Variants in SBF2 observed in about 807,000 individuals in gnomAD.
The protein encoded by SBF2 is SET binding factor 2, also known as myotubularin-related protein 13.
SBF2 carries 112 observed loss-of-function variants against 225.2 expected under a neutral mutation model. The ratio of observed to expected loss-of-function variants is 0.50; its 90% CI spans 0.43 to 0.58. The LOEUF is 0.58. SBF2 is among the 20% of genes least tolerant of loss of function. The pLI is 0.00. For synonymous variants in SBF2, 763 were observed against 773.3 expected, an observed-to-expected ratio of 0.99 and a Z score of 0.22; for missense variants, 1,996 against 2,206.2, an observed-to-expected ratio of 0.90 and a Z score of 1.91.
intron 2 of SBF2, among the ~76,000 whole-genome samples, chr11:10,131,391 A>G (rs1954045191): frequency 6.6e-6 from 1 of 151,902 alleles, no homozygotes; most frequent in Non-Finnish European, 1.5e-5. Context: ...CACATTTTCT[A>G]AATGAACTGT....
At chr11:9,881,540 C>G (rs989401422) in intron 17 of SBF2, among the ~76,000 whole-genome samples, 2 of 152,028 alleles carry the variant, frequency 1.3e-5, no homozygotes, top group African/African-American at 2.4e-5. Context: ...ACTTTTCCCC[C>G]GCCTTAATCC....
chr11:10,003,807 A>G (rs1029102349), intron 6 of SBF2, among the ~76,000 whole-genome samples: 3 of 152,038 alleles, frequency 2.0e-5, no homozygotes, highest in Non-Finnish European at 1.5e-5. Context: ...CGATATACAT[A>G]CTTATGAAAT....
At chr11:9,847,594 T>C (rs185328078) in intron 22 of SBF2, among the ~76,000 whole-genome samples, 137 of 151,580 alleles carry the variant, frequency 9.0e-4, no homozygotes, top group Non-Finnish European at 1.6e-3. Flanking sequence ...CAAAAGAGAA[T>C]AGGTTTTTAA....
intron 2 of SBF2, among the ~76,000 whole-genome samples, chr11:10,081,674 C>T (rs749589206): frequency 2.7e-5 from 4 of 150,940 alleles, no homozygotes; most frequent in Admixed American, 1.3e-4. Context: ...GCAGGAGGAT[C>T]GCTTGAACCT....
intron 2 of SBF2, among the ~76,000 whole-genome samples, chr11:10,147,787 C>T (rs367751993): frequency 1.3e-5 from 2 of 152,124 alleles, no homozygotes; most frequent in South Asian, 2.1e-4. Context: ...TGATAAATAA[C>T]AGTGAATAAG....
At chr11:9,903,425 A>G (rs1346781859) in intron 16 of SBF2, among the ~76,000 whole-genome samples, 1 of 152,244 alleles carries the variant, frequency 6.6e-6, no homozygotes, top group Non-Finnish European at 1.5e-5. Flanking sequence ...TCACAGCACC[A>G]AATATGTTAC....
intron 28 of SBF2, among the ~76,000 whole-genome samples, chr11:9,826,613 G>A (rs1464537144): frequency 6.6e-6 from 1 of 151,908 alleles, no homozygotes; most frequent in Non-Finnish European, 1.5e-5. Context: ...AACACATAGA[G>A]TTGCTCACAA....
intron 32 of SBF2, among the ~76,000 whole-genome samples, chr11:9,803,423 A>C (rs1392661909): frequency 6.6e-6 from 1 of 152,182 alleles, no homozygotes; most frequent in Non-Finnish European, 1.5e-5. Context: ...CTTAAGGGGT[A>C]CTCACAGAAT....
At chr11:10,125,517 C>T (rs149654448) in intron 2 of SBF2, among the ~76,000 whole-genome samples, 11 of 152,190 alleles carry the variant, frequency 7.2e-5, no homozygotes, top group Non-Finnish European at 1.0e-4. Flanking sequence ...AGCCTCCTGC[C>T]TTTTATATGT....
At chr11:10,162,679 T>A (rs1955804251) in intron 2 of SBF2, among the ~76,000 whole-genome samples, 1 of 152,232 alleles carries the variant, frequency 6.6e-6, no homozygotes, top group Admixed American at 6.5e-5. Context: ...TATTCTAGCA[T>A]CCTTATCTGG....
At chr11:10,027,565 A>C (rs1240187718) in intron 6 of SBF2, among the ~76,000 whole-genome samples, 2 of 152,230 alleles carry the variant, frequency 1.3e-5, no homozygotes, top group African/African-American at 4.8e-5. Context: ...AGATTTCAGC[A>C]TAACTAGGAA....
At chr11:10,062,492 AGAG>A (rs1448484483) in intron 2 of SBF2, among the ~76,000 whole-genome samples, 44 of 152,166 alleles carry the variant, frequency 2.9e-4, no homozygotes, top group African/African-American at 8.7e-4. Flanking sequence ...CAAATTTATA[AGAG>A]AAGAACAAAC....
chr11:9,859,314 T>G lies in SBF2; in HGVS notation c.1930-918A>C, dbSNP rs377177347. Among the ~76,000 whole-genome samples, 56 of 152,344 alleles carry G rather than the reference T, an allele frequency of 3.7e-4. No individual in the cohort carries two copies. In the South Asian group the frequency reaches 4.8e-3, roughly 13 times the overall value. On this transcript the variant is annotated intron_variant, in intron 17 of 39. Coordinates refer to ENST00000256190, the MANE Select transcript of SBF2 (RefSeq NM_030962.4). ...TATGATTTTGTTTCCCAAAGTAATATTCTACCTTGGAACCTCTGAAAAAAA... is the reference window on the plus strand; with the variant it reads ...TATGATTTTGTTTCCCAAAGTAATAGTCTACCTTGGAACCTCTGAAAAAAA...
intron 1 of SBF2, among the ~76,000 whole-genome samples, chr11:10,222,823 G>C (rs895900415): frequency 1.3e-5 from 2 of 152,032 alleles, no homozygotes; most frequent in African/African-American, 4.8e-5. Flanking sequence ...CTGAGCAGCA[G>C]GATATAAATA....
chr11:10,289,676 G>A lies in SBF2; in HGVS notation c.55+4339C>T, dbSNP rs151220619. The stretch of plus-strand genomic sequence containing the variant: ...GCGGCCCTAGGCGGCCCTGCTCAGA[G>A]CCTACCCCTGAGGCACAGGAACCCG... On this transcript the variant is annotated intron_variant, in intron 1 of 39. Coordinates refer to ENST00000256190, the MANE Select transcript of SBF2 (RefSeq NM_030962.4). Among the ~76,000 whole-genome samples, 6 of 152,230 alleles carry A rather than the reference G, an allele frequency of 3.9e-5. No homozygotes were observed. In the East Asian group the frequency reaches 7.7e-4, roughly 20 times the overall value.
At chr11:10,187,950 A>C (rs1467999816) in intron 2 of SBF2, among the ~76,000 whole-genome samples, 1 of 152,218 alleles carries the variant, frequency 6.6e-6, no homozygotes, top group African/African-American at 2.4e-5. Flanking sequence ...AGTAAATAAC[A>C]ACAAATTGTA....
intron 1 of SBF2, among the ~76,000 whole-genome samples, chr11:10,286,107 C>A (rs543190510): frequency 6.6e-6 from 1 of 151,758 alleles, no homozygotes; most frequent in Non-Finnish European, 1.5e-5. Context: ...GGATTACAGG[C>A]GTGAGCTACC....
chr11:9,845,806 A>G, intron 23 of SBF2, 66 bp from the exon 24 acceptor site: 1 of 1,442,888 alleles, frequency 6.9e-7, no homozygotes. Flanking sequence ...TCCCCCAAAC[A>G]ACAGAATATA....
intron 14 of SBF2, among the ~76,000 whole-genome samples, chr11:9,965,213 G>A: frequency 6.6e-6 from 1 of 151,142 alleles, no homozygotes; most frequent in East Asian, 1.9e-4. Flanking sequence ...CCATACCTAA[G>A]AAGAAAGACT....
Sources: gnomAD v4.1 joint callset for allele counts (sites outside exome capture counted in the v4.1 genomes callset) on GRCh38, gnomAD v4.1.1 for gene constraint, MANE v1.5 for transcripts, NCBI Gene and HGNC (gene_info 2026-07-23, HGNC 2026-07-21) for gene names.